PRKAG2: variants seen among roughly 807,000 people sequenced by gnomAD.
The protein encoded by PRKAG2 is protein kinase AMP-activated non-catalytic subunit gamma 2.
PRKAG2 carries 26 observed loss-of-function variants against 69.6 expected under a neutral mutation model. The ratio of observed to expected loss-of-function variants is 0.37; its 90% confidence interval spans 0.27 to 0.52. The LOEUF (loss-of-function observed/expected upper bound fraction) is 0.52. Among genes scored for constraint, PRKAG2 ranks in the 20% least tolerant of loss-of-function variants. PRKAG2 has a pLI of 0.90. For missense variants in PRKAG2, 557 were observed against 740.0 expected (o/e 0.75, Z 2.87); for synonymous variants, 293 against 285.0 (o/e 1.03, Z -0.28).
rs868794309 is a variant in PRKAG2 at position 151,756,110 on chromosome 7, C to T, written c.466+25042G>A. Among the ~76,000 whole-genome samples, 18 of 152,256 alleles carry T rather than the reference C, an allele frequency of 1.2e-4. No individual in the cohort carries two copies. In the Middle Eastern group the frequency reaches 0.02, roughly 173 times the overall value. Reference sequence around the variant, plus strand: ...TCTCCCCCTGGACCACCAGTGATGCCGGCAGCCACAGGTCCCTCTGCCCCC... The same window carrying T: ...TCTCCCCCTGGACCACCAGTGATGCTGGCAGCCACAGGTCCCTCTGCCCCC... On this transcript the variant is annotated intron_variant, in intron 3 of 15. Transcript: ENST00000287878. This position sits in a 1 kb window ranked among gnomAD's most constrained non-coding sequence, Gnocchi z 4.9.
At chr7:151,811,842 C>T (rs576969500) in intron 1 of PRKAG2, among the ~76,000 whole-genome samples, 2 of 152,324 alleles carry the variant, frequency 1.3e-5, no homozygotes, top group African/African-American at 2.4e-5. Flanking sequence ...GGACATTCAC[C>T]ATGTGGCTCA....
At chr7:151,635,302 T>C (rs906461415) in intron 4 of PRKAG2, among the ~76,000 whole-genome samples, 3 of 152,174 alleles carry the variant, frequency 2.0e-5, no homozygotes, top group Non-Finnish European at 4.4e-5. Context: ...AAACTAAACA[T>C]GCAACTACCA....
intron 1 of PRKAG2, among the ~76,000 whole-genome samples, chr7:151,870,154 T>TAGGCAGGCAGGCAGGC (rs200063326): frequency 2.2e-5 from 3 of 138,322 alleles, no homozygotes; most frequent in African/African-American, 8.3e-5. Flanking sequence ...GATAGATAGA[T>TAGGCAGGCAGGCAGGC]AGGCAGGCAG....
In PRKAG2 at chr7:151,632,144, G is replaced by C; in HGVS notation, c.685-6C>G. 7.2e-7 allele frequency: 1 copy of C among 1,395,324 alleles called. No individual in the cohort carries two copies. Among genetic ancestry groups the C allele is most frequent in the Non-Finnish European group, 9.4e-7 (1 of 1,061,040 alleles). The allele number at this position is 1,395,324 out of a possible 1,614,324, so 86.4% of individuals were successfully genotyped here. A position where few individuals can be genotyped will look rare whatever the true frequency, so the allele number is the denominator to read the frequency against. ...AGGGCCGCCGCCAGCGCCGCCTGAG[G>C]GGGAGGAGGAGGACAGCGATCAGCA... On this transcript the variant is annotated splice_region_variant and splice_polypyrimidine_tract_variant and intron_variant, in intron 4 of 15. Transcript: ENST00000287878. The surrounding 1 kb of genome is among the most constrained non-coding windows in gnomAD (Gnocchi z 4.2).
intron 1 of PRKAG2, among the ~76,000 whole-genome samples, chr7:151,830,694 G>A (rs147114530): frequency 1.8e-3 from 267 of 146,552 alleles, no homozygotes; most frequent in African/African-American, 6.4e-3. Flanking sequence ...CTGGCCTGAG[G>A]CCTCCTGCGG....
chr7:151,815,331 G>C (rs559595279), intron 1 of PRKAG2, among the ~76,000 whole-genome samples: 1 of 152,246 alleles, frequency 6.6e-6, no homozygotes, highest in South Asian at 2.1e-4. Context: ...CCCTCCCAGG[G>C]CTGGGCAATT....
intron 5 of PRKAG2, among the ~76,000 whole-genome samples, chr7:151,605,894 T>C (rs1366292065): frequency 6.9e-6 from 1 of 144,002 alleles, no homozygotes; most frequent in African/African-American, 2.6e-5. Flanking sequence ...ACTGAGATTG[T>C]GCCACTGCAC....
chr7:151,747,678 C>T lies in PRKAG2; in HGVS notation c.466+33474G>A, dbSNP rs201689210. 1.2e-4 allele frequency among the ~76,000 whole-genome samples: 18 copies of T among 152,316 alleles called. No individual in the cohort carries two copies. The East Asian group carries it at 3.5e-3, about 29-fold the overall frequency. On this transcript the variant is annotated intron_variant, in intron 3 of 15. Coordinates refer to ENST00000287878, the MANE Select transcript of PRKAG2 (RefSeq NM_016203.4). ...AAGTTCCAGATATCTAGAAAGTTAG[C>T]TCACGTGGCTTGTTCATTCCTTGAG...
chr7:151,588,556 C>T (rs986453425), intron 6 of PRKAG2, among the ~76,000 whole-genome samples: 7 of 146,400 alleles, frequency 4.8e-5, no homozygotes, highest in Admixed American at 1.4e-4. Context: ...AGGACGGTTT[C>T]GCCATGTTGG....
intron 3 of PRKAG2, among the ~76,000 whole-genome samples, chr7:151,725,923 G>C (rs1457835787): frequency 3.3e-5 from 5 of 152,178 alleles, no homozygotes; most frequent in Non-Finnish European, 7.3e-5. Flanking sequence ...TTCTATCCTA[G>C]GGATGAAGGT....
intron 1 of PRKAG2, among the ~76,000 whole-genome samples, chr7:151,800,621 G>C (rs1281906100): frequency 6.6e-6 from 1 of 152,208 alleles, no homozygotes; most frequent in Non-Finnish European, 1.5e-5. Flanking sequence ...TTCCAGGACA[G>C]AGGCAGGACA....
Position 151,699,877 on chromosome 7 carries a change from G to T in PRKAG2, c.467-24240C>A, listed in dbSNP as rs1005810353. On this transcript the variant is annotated intron_variant, in intron 3 of 15. Coordinates refer to ENST00000287878, the MANE Select transcript of PRKAG2 (RefSeq NM_016203.4). This position sits in a 1 kb window ranked among gnomAD's most constrained non-coding sequence, Gnocchi z 4.5. ...AGGACTGGGACTAAGATAAACTGGGGTACATAGCGGAGGAAGAAGGGAGTA... is the reference window on the plus strand; with the variant it reads ...AGGACTGGGACTAAGATAAACTGGGTTACATAGCGGAGGAAGAAGGGAGTA... Among the ~76,000 whole-genome samples, 1 of 152,152 alleles carries T rather than the reference G, an allele frequency of 6.6e-6. No individual in the cohort carries two copies. The highest frequency in any genetic ancestry group is 1.5e-5 in the Non-Finnish European group (1 of 68,032).
chr7:151,807,970 G>A lies in PRKAG2; in HGVS notation c.115-21429C>T, dbSNP rs550183227. ...AGGAAGAGGCTAAAGGCATAGTTTC[G>A]TAACCCCTCCCTACAAACTACCCCC... On this transcript the variant is annotated intron_variant, in intron 1 of 15. Transcript: ENST00000287878. The surrounding 1 kb of genome is among the most constrained non-coding windows in gnomAD (Gnocchi z 4.4). 1.7e-4 allele frequency among the ~76,000 whole-genome samples: 26 copies of A among 152,244 alleles called. No homozygotes were observed. The East Asian group carries it at 5.0e-3, about 29-fold the overall frequency.
intron 3 of PRKAG2, among the ~76,000 whole-genome samples, chr7:151,743,169 G>C (rs1210498765): frequency 6.6e-6 from 1 of 152,142 alleles, no homozygotes; most frequent in East Asian, 1.9e-4. Flanking sequence ...TAAAGGGAGG[G>C]GCTGAAAAAG....
At chr7:151,581,708 ATTTTTACAC>A (rs1283815735) in intron 6 of PRKAG2, among the ~76,000 whole-genome samples, 1 of 152,200 alleles carries the variant, frequency 6.6e-6, no homozygotes, top group African/African-American at 2.4e-5. Flanking sequence ...TTTAATGGAC[ATTTTTACAC>A]TACAGTGAGC....
At chr7:151,675,838 G>A (rs756807475) in intron 3 of PRKAG2, among the ~76,000 whole-genome samples, 2 of 152,190 alleles carry the variant, frequency 1.3e-5, no homozygotes, top group Non-Finnish European at 1.5e-5. Context: ...ATGGCAGAGG[G>A]AGGCTCTCAC....
intron 3 of PRKAG2, among the ~76,000 whole-genome samples, chr7:151,720,095 C>G (rs1361849894): frequency 6.6e-6 from 1 of 152,204 alleles, no homozygotes; most frequent in African/African-American, 2.4e-5. Context: ...ATGGTCCAAT[C>G]AGAATCAGGG....
chr7:151,847,971 T>C (rs1024587168), intron 1 of PRKAG2, among the ~76,000 whole-genome samples: 5 of 152,208 alleles, frequency 3.3e-5, no homozygotes, highest in East Asian at 1.9e-4. Context: ...GGAAACACTA[T>C]GAATCAGAGC....
chr7:151,739,047 C>G (rs556684922), intron 3 of PRKAG2, among the ~76,000 whole-genome samples: 1 of 152,182 alleles, frequency 6.6e-6, no homozygotes, highest in East Asian at 1.9e-4. Flanking sequence ...AGAAGCCAAC[C>G]GGGTTCGGGT....
Sources: allele counts gnomAD v4.1 joint callset (sites outside exome capture counted in the v4.1 genomes callset), GRCh38; gene constraint gnomAD v4.1.1; non-coding constraint Gnocchi (gnomAD v3.1); transcripts MANE v1.5; gene names NCBI Gene and HGNC (gene_info 2026-07-23, HGNC 2026-07-21).